Variants in SRPK1 observed in about 807,000 individuals in gnomAD.
SRPK1 encodes SFRS protein kinase 1.
In SRPK1, 52 loss-of-function variants were observed where a neutral mutation model predicts 89.5. That is an observed-to-expected ratio of 0.58 (90% CI 0.46 to 0.73). SRPK1 has a LOEUF of 0.73. Ranked by LOEUF, SRPK1 falls within the 30% of genes least tolerant of loss-of-function variation. The pLI is 0.00. For synonymous variants in SRPK1, 255 were observed against 270.2 expected, an observed-to-expected ratio of 0.94 and a Z score of 0.55; for missense variants, 603 against 780.6, an observed-to-expected ratio of 0.77 and a Z score of 2.71.
chr6:35,882,175 G>GC (rs1359689754), intron 6 of SRPK1, among the ~76,000 whole-genome samples: 1,988 of 149,426 alleles, frequency 0.013, 49 homozygotes, highest in African/African-American at 0.047. Context: ...AGCAGCAGCA[G>GC]AAGAAGAAGA....
At chr6:35,888,673 T>A (rs2127257188) in intron 4 of SRPK1, 142 bp downstream of exon 4, 1 of 592,816 alleles carries the variant, frequency 1.7e-6, no homozygotes, top group Admixed American at 2.9e-5. Context: ...TCTCCAAGAA[T>A]ACAGAGACTA....
intron 2 of SRPK1, among the ~76,000 whole-genome samples, chr6:35,914,680 T>C (rs1050607034): frequency 2.0e-5 from 3 of 152,214 alleles, no homozygotes; most frequent in African/African-American, 7.2e-5. Context: ...AATAATATAG[T>C]AGCCAACGGG....
chr6:35,842,800 A>G (rs1372533067), intron 13 of SRPK1, among the ~76,000 whole-genome samples, 196 bp from the exon 14 acceptor site: 1 of 151,872 alleles, frequency 6.6e-6, no homozygotes, highest in Non-Finnish European at 1.5e-5. Context: ...AATAAAATGG[A>G]GAAAACAGCA....
chr6:35,875,938 T>C (rs1770146137), intron 6 of SRPK1, among the ~76,000 whole-genome samples: 1 of 152,094 alleles, frequency 6.6e-6, no homozygotes, highest in Non-Finnish European at 1.5e-5. Context: ...TAATGCAATA[T>C]ACTAATATGC....
intron 2 of SRPK1, among the ~76,000 whole-genome samples, chr6:35,910,517 T>G (rs1466641974): frequency 6.6e-6 from 1 of 152,174 alleles, no homozygotes; most frequent in East Asian, 1.9e-4. Flanking sequence ...AAGCAGTGAG[T>G]GCTGATGAAA....
chr6:35,908,922 T>C (rs769448218), intron 2 of SRPK1, among the ~76,000 whole-genome samples: 11 of 152,216 alleles, frequency 7.2e-5, no homozygotes, highest in African/African-American at 1.2e-4. Context: ...AAGTCAATAA[T>C]TGAATCTCTG....
Position 35,881,628 on chromosome 6 carries a change from C to T in SRPK1, c.478+5096G>A, listed in dbSNP as rs183899818. Among the ~76,000 whole-genome samples, 588 of 151,646 alleles carry T rather than the reference C, an allele frequency of 3.9e-3. 3 individuals are homozygous for T. Among genetic ancestry groups the T allele is most frequent in the Non-Finnish European group, 2.5e-3 (167 of 67,902 alleles). On this transcript the variant is annotated intron_variant, in intron 6 of 15. Transcript: ENST00000373825. ...ACTAATATCAGACAAAATAGATTTT[C>T]AATCAGAAAAAGTTATAAGAGATAA...
intron 2 of SRPK1, among the ~76,000 whole-genome samples, chr6:35,919,757 G>C (rs1310211088): frequency 6.6e-6 from 1 of 152,166 alleles, no homozygotes; most frequent in East Asian, 1.9e-4. Context: ...GACATGTGGC[G>C]CTTAATACGC....
At position 35,889,306 on chromosome 6, in the gene SRPK1, C is replaced by CA. The variant is rs34873494; in HGVS notation, c.194-384dup. Among the ~76,000 whole-genome samples, 281 of 132,084 alleles carry CA rather than the reference C, an allele frequency of 2.1e-3. 1 individual carries two copies. Among genetic ancestry groups the CA allele is most frequent in the South Asian group, 6.4e-3 (27 of 4,220 alleles). 86.7% of individuals were successfully genotyped at this position (132,084 alleles called of 152,430 possible). A position where few individuals can be genotyped will look rare whatever the true frequency, so the allele number is the denominator to read the frequency against. ...AGACAGAATAATTCTGTTTATTTAG[C>CA]AAAAAAAAAAAAGCAAGTAAGCAAA... On this transcript the variant is annotated intron_variant, in intron 3 of 15. Coordinates refer to ENST00000373825, the MANE Select transcript of SRPK1 (RefSeq NM_003137.5).
chr6:35,909,831 C>T (rs1770923998), intron 2 of SRPK1, among the ~76,000 whole-genome samples: 2 of 152,212 alleles, frequency 1.3e-5, no homozygotes, highest in Non-Finnish European at 2.9e-5. Context: ...CTTTGCCTTT[C>T]ACCATGATTC....
intron 14 of SRPK1, among the ~76,000 whole-genome samples, chr6:35,841,999 C>T (rs17705020): frequency 0.29 from 44,345 of 151,906 alleles, 6,805 homozygotes; most frequent in South Asian, 0.42. Flanking sequence ...GCTTTTCCCA[C>T]TGGCTACCAC....
At chr6:35,853,952 C>CT (rs1170375983) in intron 13 of SRPK1, among the ~76,000 whole-genome samples, 13 of 151,152 alleles carry the variant, frequency 8.6e-5, no homozygotes, top group African/African-American at 1.7e-4. Context: ...CCCTTTCCCC[C>CT]TTTTTTTTGT....
At chr6:35,886,157 T>C (rs1770405142) in intron 6 of SRPK1, among the ~76,000 whole-genome samples, 1 of 151,458 alleles carries the variant, frequency 6.6e-6, no homozygotes, top group Admixed American at 6.6e-5. Flanking sequence ...CTCGGCTCAC[T>C]GCAACCTCTG....
In SRPK1 at chr6:35,869,760, T is replaced by A. The variant is rs1769989934; in HGVS notation, c.1133A>T (p.Glu378Val). ...ACAGTCATTAGCATTATGTAGATCCTCTTTATGTCTCAATGTTTCATTATT... is the reference window on the plus strand; with the variant it reads ...ACAGTCATTAGCATTATGTAGATCCACTTTATGTCTCAATGTTTCATTATT... ...NSNNETLRHK[E>V]DLHNANDCDV... is the part of the protein sequence containing the mutation. Residue 378 changes from glutamate (E) to valine (V), a missense_variant, in exon 11 of 16, where the codon GAG becomes GTG. Glu to Val is a moderately radical substitution (Grantham distance 121). Coordinates refer to ENST00000373825, the MANE Select transcript of SRPK1 (RefSeq NM_003137.5). 1 of 1,613,836 alleles carries A rather than the reference T, an allele frequency of 6.2e-7. No individual in the cohort carries two copies. The highest frequency in any genetic ancestry group is 8.5e-7 in the Non-Finnish European group (1 of 1,179,852).
intron 13 of SRPK1, among the ~76,000 whole-genome samples, chr6:35,851,073 A>G (rs1769544061): frequency 6.6e-5 from 10 of 152,232 alleles, no homozygotes. Context: ...GAAAAACAGA[A>G]GCAGAGAAAG....
intron 4 of SRPK1, 56 bp from the exon 5 acceptor site, chr6:35,888,167 C>A: frequency 1.6e-6 from 2 of 1,225,210 alleles, no homozygotes; most frequent in Non-Finnish European, 2.3e-6. Flanking sequence ...CTTTAGGAAG[C>A]TAAGATTTAG....
At chr6:35,862,125 C>T (rs890963068) in intron 12 of SRPK1, among the ~76,000 whole-genome samples, 2 of 152,094 alleles carry the variant, frequency 1.3e-5, no homozygotes, top group Admixed American at 6.5e-5. Context: ...TGGGTCCCAG[C>T]GGGTTGCTCC....
At chr6:35,856,481 T>G (rs891401528) in intron 13 of SRPK1, among the ~76,000 whole-genome samples, 2 of 152,118 alleles carry the variant, frequency 1.3e-5, no homozygotes, top group Non-Finnish European at 1.5e-5. Flanking sequence ...GGCAATCTTG[T>G]GAGGAACCAT....
At chr6:35,905,088 A>G in intron 2 of SRPK1, 1 of 329,512 alleles carries the variant, frequency 3.0e-6, no homozygotes, top group Non-Finnish European at 5.8e-6. Context: ...TTGAGATTGC[A>G]GTGACCTATG....
Sources: allele counts gnomAD v4.1 joint callset (sites outside exome capture counted in the v4.1 genomes callset), GRCh38; gene constraint gnomAD v4.1.1; transcripts MANE v1.5; gene names NCBI Gene and HGNC (gene_info 2026-07-23, HGNC 2026-07-21).